The following ZFHX3 variants were observed in gnomAD, a reference collection of about 807,000 sequenced individuals.
ZFHX3 encodes zinc finger homeobox protein 3.
A neutral mutation model predicts 279.1 loss-of-function variants in ZFHX3; 42 were observed. The observed-to-expected ratio is 0.15, with a 90% CI of 0.12 to 0.19. The LOEUF (loss-of-function observed/expected upper bound fraction) is 0.19, where lower values mean the gene tolerates loss of function less well. Ranked by LOEUF, ZFHX3 falls within the 10% of genes least tolerant of loss-of-function variation. ZFHX3 has a pLI of 1.00. For missense variants in ZFHX3, 4,981 were observed against 4,754.0 expected (o/e 1.05, Z -1.40); for synonymous variants, 2,293 against 1,957.8 (o/e 1.17, Z -4.52).
At chr16:73,482,221 G>C (rs933716929) in intron 2 of ZFHX3, among the ~76,000 whole-genome samples, 2 of 152,162 alleles carry the variant, frequency 1.3e-5, no homozygotes, top group Non-Finnish European at 2.9e-5. Context: ...TGTTAAGCTA[G>C]GCTGTCCATC....
rs2018957711 is a variant in ZFHX3 at position 73,485,459 on chromosome 16, T to G, written c.-1546-29201A>C. Among the ~76,000 whole-genome samples, 2 of 151,942 alleles carry G rather than the reference T, an allele frequency of 1.3e-5. 1 individual carries two copies. Among genetic ancestry groups the G allele is most frequent in the South Asian group, 4.1e-4 (2 of 4,824 alleles). Reference sequence around the variant, plus strand: ...AAAAAAAAAAAAAACTTTCTAGCATTTACAATAATTTTTCTTAAGAAAAAA... The same window carrying G: ...AAAAAAAAAAAAAACTTTCTAGCATGTACAATAATTTTTCTTAAGAAAAAA... On this transcript the variant is annotated intron_variant, in intron 2 of 17. Coordinates refer to the ZFHX3 transcript ENST00000641206.
At chr16:73,816,897 T>C (rs770122894) in intron 1 of ZFHX3, among the ~76,000 whole-genome samples, 4 of 151,872 alleles carry the variant, frequency 2.6e-5, no homozygotes, top group Non-Finnish European at 5.9e-5. Flanking sequence ...GAGGAGAGAG[T>C]TGACAAAACA....
intron 1 of ZFHX3, among the ~76,000 whole-genome samples, chr16:73,750,723 G>A (rs980184725): frequency 6.6e-6 from 1 of 152,116 alleles, no homozygotes; most frequent in African/African-American, 2.4e-5. Flanking sequence ...CACACACAGG[G>A]GCATCCCAAA....
chr16:72,939,357 A>C (rs551590811), intron 3 of ZFHX3, among the ~76,000 whole-genome samples: 1 of 152,300 alleles, frequency 6.6e-6, no homozygotes, highest in East Asian at 1.9e-4. Context: ...TGGAACATGA[A>C]ACATTCAAAT....
chr16:73,092,638 C>A (rs187770849), intron 8 of ZFHX3: 1 of 259,814 alleles, frequency 3.8e-6, no homozygotes, highest in Admixed American at 5.1e-5. Context: ...AAGCCGAGCG[C>A]GAACGCCGTG....
intron 2 of ZFHX3, among the ~76,000 whole-genome samples, chr16:73,494,662 C>T (rs1435040451): frequency 4.6e-5 from 7 of 152,022 alleles, no homozygotes; most frequent in South Asian, 2.1e-4. Context: ...CGGGTTCAAG[C>T]GATTCTCCTG....
intron 1 of ZFHX3, among the ~76,000 whole-genome samples, chr16:73,720,954 T>C (rs900097450): frequency 3.9e-5 from 6 of 152,338 alleles, no homozygotes; most frequent in Non-Finnish European, 7.3e-5. Context: ...TATTCTGTGA[T>C]TGTAAAGTGA....
intron 3 of ZFHX3, among the ~76,000 whole-genome samples, chr16:72,899,003 C>T (rs538008353): frequency 3.9e-5 from 6 of 152,260 alleles, no homozygotes; most frequent in African/African-American, 1.2e-4. Context: ...CCAAGCTAAC[C>T]TCAAACTACT....
At chr16:73,530,590 C>T (rs2019782310) in intron 2 of ZFHX3, among the ~76,000 whole-genome samples, 1 of 152,086 alleles carries the variant, frequency 6.6e-6, no homozygotes, top group Non-Finnish European at 1.5e-5. Context: ...CTGTGGACCC[C>T]TTTTGGGACT....
At chr16:72,878,290 G>T (rs1459899348) in intron 4 of ZFHX3, among the ~76,000 whole-genome samples, 2 of 152,218 alleles carry the variant, frequency 1.3e-5, no homozygotes, top group African/African-American at 4.8e-5. Flanking sequence ...ATGTGGGCTG[G>T]GTTCAAGGCT....
chr16:73,292,737 A>G (rs1051644618), intron 4 of ZFHX3, among the ~76,000 whole-genome samples: 5 of 151,970 alleles, frequency 3.3e-5, no homozygotes, highest in African/African-American at 9.7e-5. Context: ...GGGGTTCTTG[A>G]TGGGTCACCA....
At position 72,788,351 on chromosome 16, in the gene ZFHX3, G is replaced by A. The variant is rs935062163; in HGVS notation, c.9925C>T (p.Pro3309Ser). The change falls in exon 10 of 10, where the codon CCT (proline) becomes TCT (serine). Residue 3309 changes from proline to serine, a missense_variant. By Grantham distance (74) the Pro-to-Ser change is moderately conservative. Around this residue, in one of 7 missense-constraint regions of ZFHX3, gnomAD observed 1,034 missense variants for 786.0 expected, o/e 1.32. Transcript: ENST00000268489. ...PTALLTSQFL[P>S]YFVPGFSPYY... The stretch of plus-strand genomic sequence containing the variant: ...GGAGAAAAGCCTGGTACAAAGTAAG[G>A]AAGGAACTGGCTTGTGAGCAATGCT... 2 of 1,614,198 alleles carry A rather than the reference G, an allele frequency of 1.2e-6. No homozygotes were observed. The highest frequency in any genetic ancestry group is 2.2e-5 in the East Asian group (1 of 44,866).
intron 1 of ZFHX3, among the ~76,000 whole-genome samples, chr16:73,057,371 A>T (rs1003831922): frequency 6.6e-6 from 1 of 152,190 alleles, no homozygotes; most frequent in Non-Finnish European, 1.5e-5. Context: ...TTAATTATAT[A>T]CACTGCATGA....
At chr16:73,058,239 T>TCGGCGGCGGCGGCGG (rs1166220874) in intron 1 of ZFHX3, among the ~76,000 whole-genome samples, 2 of 136,196 alleles carry the variant, frequency 1.5e-5, no homozygotes, top group Non-Finnish European at 3.2e-5. Context: ...CGGCCCGGGC[T>TCGGCGGCGGCGGCGG]CGGCGGCGGC....
intron 2 of ZFHX3, among the ~76,000 whole-genome samples, chr16:73,557,036 A>C (rs1001655923): frequency 7.3e-6 from 1 of 136,416 alleles, no homozygotes; most frequent in African/African-American, 2.7e-5. Flanking sequence ...CGGAGCTTGC[A>C]GTGAGCCGAG....
chr16:73,415,956 C>T (rs2017565289), intron 3 of ZFHX3, among the ~76,000 whole-genome samples: 2 of 151,878 alleles, frequency 1.3e-5, no homozygotes, highest in South Asian at 2.1e-4. Flanking sequence ...CCCATCTCTA[C>T]TAAAAATACA....
At chr16:73,096,374 G>T (rs898076253) in intron 7 of ZFHX3, among the ~76,000 whole-genome samples, 15 of 151,130 alleles carry the variant, frequency 9.9e-5, no homozygotes, top group African/African-American at 3.7e-4. Flanking sequence ...AAACTCAGAG[G>T]TCTTCGTATG....
chr16:72,851,259 C>CA (rs999813727), intron 4 of ZFHX3, among the ~76,000 whole-genome samples: 13 of 152,020 alleles, frequency 8.6e-5, no homozygotes, highest in Non-Finnish European at 1.9e-4. Flanking sequence ...AAGAGGCCTC[C>CA]AAGGGGAGGC....
At chr16:73,064,924 T>C (rs1035635126) in intron 8 of ZFHX3, among the ~76,000 whole-genome samples, 1 of 152,120 alleles carries the variant, frequency 6.6e-6, no homozygotes. Context: ...GTACTAGAAG[T>C]TTGCACCACA....
Sources: allele counts gnomAD v4.1 joint callset (sites outside exome capture counted in the v4.1 genomes callset), GRCh38; gene constraint gnomAD v4.1.1; regional missense constraint gnomAD v4.1.1; transcripts MANE v1.5; gene names NCBI Gene and HGNC (gene_info 2026-07-23, HGNC 2026-07-21).